Variants in DPP6 observed in about 807,000 individuals in gnomAD.
DPP6 encodes the protein A-type potassium channel modulatory protein DPP6.
In DPP6, 69 loss-of-function variants were observed where a neutral mutation model predicts 122.6. The observed-to-expected ratio is 0.56, with a 90% CI of 0.46 to 0.69. The LOEUF (loss-of-function observed/expected upper bound fraction) is 0.69. DPP6 is among the 30% of genes least tolerant of loss of function. The probability of loss-of-function intolerance (pLI) is 0.00; values close to 1 mark genes in which losing one functional copy is unlikely to be tolerated. For missense variants in DPP6, 928 were observed against 1,116.9 expected (o/e 0.83, Z 2.41); for synonymous variants, 418 against 433.1 (o/e 0.97, Z 0.43).
chr7:154,820,641 G>A (rs888761218), intron 16 of DPP6, among the ~76,000 whole-genome samples: 4 of 152,084 alleles, frequency 2.6e-5, no homozygotes, highest in South Asian at 2.1e-4. Context: ...CTTCCCAGAG[G>A]ACCCAAGAAC....
chr7:154,223,904 G>T (rs1258559845), intron 1 of DPP6, among the ~76,000 whole-genome samples: 9 of 148,614 alleles, frequency 6.1e-5, no homozygotes, highest in Non-Finnish European at 7.4e-5. Context: ...GCCCAGCCGG[G>T]GAAACATGAC....
At chr7:154,644,372 C>T (rs1051989030) in intron 6 of DPP6, among the ~76,000 whole-genome samples, 1 of 152,160 alleles carries the variant, frequency 6.6e-6, no homozygotes, top group African/African-American at 2.4e-5. Flanking sequence ...TATTCCATGT[C>T]CCTCTAATTA....
At chr7:154,595,793 G>A (rs1833055790) in intron 5 of DPP6, among the ~76,000 whole-genome samples, 1 of 152,254 alleles carries the variant, frequency 6.6e-6, no homozygotes, top group South Asian at 2.1e-4. Context: ...GGGTGCAGTG[G>A]CTCACGCCTG....
At chr7:154,074,115 A>ATATAGATATCTCTC (rs1803360331) in intron 1 of DPP6, among the ~76,000 whole-genome samples, 53 of 84,256 alleles carry the variant, frequency 6.3e-4, no homozygotes, top group South Asian at 1.8e-3. Flanking sequence ...ATAGAGAGAT[A>ATATAGATATCTCTC]TATATAGATA....
the DPP6 span, among the ~76,000 whole-genome samples, chr7:153,841,781 ATGAG>A: frequency 1.3e-5 from 2 of 152,252 alleles, no homozygotes; most frequent in African/African-American, 4.8e-5. Context: ...GAATGCTGAA[ATGAG>A]TAGCAATAAC....
At chr7:154,585,209 C>T (rs1031561436) in intron 5 of DPP6, among the ~76,000 whole-genome samples, 4 of 152,202 alleles carry the variant, frequency 2.6e-5, no homozygotes, top group African/African-American at 9.7e-5. Context: ...AAACTTTAGG[C>T]CTCTAAGGCA....
At chr7:154,727,476 C>T (rs1469757571) in intron 7 of DPP6, among the ~76,000 whole-genome samples, 1 of 152,198 alleles carries the variant, frequency 6.6e-6, no homozygotes, top group Admixed American at 6.5e-5. Flanking sequence ...GGACACAAAT[C>T]CAAACCATAT....
chr7:154,220,399 A>G (rs573031954), intron 1 of DPP6, among the ~76,000 whole-genome samples: 1 of 152,310 alleles, frequency 6.6e-6, no homozygotes, highest in East Asian at 1.9e-4. Flanking sequence ...AAGATACAAT[A>G]GACCCTGAGA....
chr7:153,994,882 C>T (rs1797352341), intron 1 of DPP6, among the ~76,000 whole-genome samples: 1 of 152,136 alleles, frequency 6.6e-6, no homozygotes, highest in Non-Finnish European at 1.5e-5. Context: ...TGCTTTTGGG[C>T]CTTTTTATTT....
chr7:154,217,106 C>T (rs1267218903), intron 1 of DPP6, among the ~76,000 whole-genome samples: 1 of 151,790 alleles, frequency 6.6e-6, no homozygotes, highest in Non-Finnish European at 1.5e-5. Context: ...TTTTAAAGAA[C>T]TCTCAAATTA....
At chr7:154,525,616 G>C (rs1042479644) in intron 3 of DPP6, among the ~76,000 whole-genome samples, 1 of 152,190 alleles carries the variant, frequency 6.6e-6, no homozygotes, top group African/African-American at 2.4e-5. Flanking sequence ...TGCAGTAACT[G>C]TCATATGATT....
intron 1 of DPP6, among the ~76,000 whole-genome samples, chr7:153,972,093 C>T (rs961837122): frequency 6.6e-6 from 1 of 151,106 alleles, no homozygotes; most frequent in African/African-American, 2.4e-5. Flanking sequence ...CCCTGTTATT[C>T]CTTTATGCTG....
chr7:154,167,284 C>A (rs1206690504), intron 1 of DPP6, among the ~76,000 whole-genome samples: 1 of 152,166 alleles, frequency 6.6e-6, no homozygotes, highest in Non-Finnish European at 1.5e-5. Flanking sequence ...AGCACCCTAA[C>A]AGAAATCATT....
rs1815804854 is a variant in DPP6, at chr7:154,403,361, AGGAAAAG to A, written c.244-42849_244-42843del. On this transcript the variant is annotated intron_variant, in intron 1 of 25. Transcript: ENST00000377770. This position sits in a 1 kb window ranked among gnomAD's most constrained non-coding sequence, Gnocchi z 4.1. ...CAAGTGGCGATTCAGGTACCTTAGG[AGGAAAAG>A]GGACATGGTGAGGACTGGAGTTGCG... is the stretch of plus-strand genomic sequence containing the variant. Among the ~76,000 whole-genome samples, 1 of 152,118 alleles carries A rather than the reference AGGAAAAG, an allele frequency of 6.6e-6. No homozygotes were observed. The highest frequency in any genetic ancestry group is 6.6e-5 in the Admixed American group (1 of 15,262).
chr7:154,251,901 G>A (rs78749534), intron 1 of DPP6, among the ~76,000 whole-genome samples: 5,934 of 129,236 alleles, frequency 0.046, 190 homozygotes, highest in East Asian at 0.14. Context: ...ATCTCCTTTG[G>A]CAGCACCCTC....
chr7:153,841,512 A>C, the DPP6 span, among the ~76,000 whole-genome samples: 1 of 152,116 alleles, frequency 6.6e-6, no homozygotes, highest in Admixed American at 6.6e-5. Flanking sequence ...TCTAAACACA[A>C]ATTAAAGGGT....
intron 1 of DPP6, among the ~76,000 whole-genome samples, chr7:154,223,438 A>G (rs1028123355): frequency 6.7e-6 from 1 of 149,380 alleles, no homozygotes; most frequent in African/African-American, 2.6e-5. Flanking sequence ...GTGTAACTAC[A>G]TAAGCAAATG....
chr7:153,852,181 A>G, the DPP6 span, among the ~76,000 whole-genome samples: 4 of 152,204 alleles, frequency 2.6e-5, no homozygotes, highest in African/African-American at 9.6e-5. Context: ...TGGGAGGAGC[A>G]GTGAGATGTG....
intron 2 of DPP6, among the ~76,000 whole-genome samples, chr7:154,464,252 A>G (rs897160472): frequency 4.6e-5 from 7 of 152,136 alleles, no homozygotes; most frequent in African/African-American, 1.7e-4. Context: ...CTGAGTTTCA[A>G]TGCAAAGTCC....
Sources: allele counts gnomAD v4.1 joint callset (sites outside exome capture counted in the v4.1 genomes callset), GRCh38; gene constraint gnomAD v4.1.1; non-coding constraint Gnocchi (gnomAD v3.1); transcripts MANE v1.5; gene names NCBI Gene and HGNC (gene_info 2026-07-23, HGNC 2026-07-21).